CDH23: variants seen among roughly 807,000 people sequenced by gnomAD.
CDH23 encodes the protein cadherin related 23.
In CDH23, 189 loss-of-function variants were observed where a neutral mutation model predicts 317.1. That is an observed-to-expected ratio of 0.60 (90% CI 0.53 to 0.67). The LOEUF (loss-of-function observed/expected upper bound fraction) is 0.67. Among genes scored for constraint, CDH23 ranks in the 30% least tolerant of loss-of-function variants. The pLI is 0.00. For missense variants in CDH23, 4,401 were observed against 4,592.4 expected, an observed-to-expected ratio of 0.96 and a Z score of 1.20; for synonymous variants, 1,839 against 1,876.8, an observed-to-expected ratio of 0.98 and a Z score of 0.52.
chr10:71,687,567 T>C, intron 18 of CDH23, 80 bp from the exon 19 acceptor site: 13 of 1,305,776 alleles, frequency 1.0e-5, no homozygotes, highest in Non-Finnish European at 1.4e-5. Context: ...CTAGCCTGAC[T>C]CCTTGGTGCC....
At chr10:71,669,682 A>G (rs1864062272) in intron 14 of CDH23, among the ~76,000 whole-genome samples, 1 of 152,108 alleles carries the variant, frequency 6.6e-6, no homozygotes, top group African/African-American at 2.4e-5. Flanking sequence ...TCTTGATCTC[A>G]GGTGATCTGC....
intron 28 of CDH23, among the ~76,000 whole-genome samples, chr10:71,719,997 C>T (rs536318752): frequency 3.3e-5 from 5 of 152,334 alleles, no homozygotes; most frequent in East Asian, 1.9e-4. Context: ...TCTGGGGAGA[C>T]GCAGGGGGAG....
intron 14 of CDH23, among the ~76,000 whole-genome samples, chr10:71,659,381 G>A (rs1368581044): frequency 6.6e-6 from 1 of 152,188 alleles, no homozygotes; most frequent in Non-Finnish European, 1.5e-5. Context: ...TTTGTCCAGG[G>A]AACATTTGGG....
intron 3 of CDH23, among the ~76,000 whole-genome samples, chr10:71,485,081 C>G (rs1005805019): frequency 7.1e-6 from 1 of 140,666 alleles, no homozygotes; most frequent in African/African-American, 2.7e-5. Flanking sequence ...GGCTGGAGGG[C>G]AGTGGTGCGA....
chr10:71,513,396 C>T (rs1019609333), intron 6 of CDH23, among the ~76,000 whole-genome samples: 3 of 152,138 alleles, frequency 2.0e-5, no homozygotes, highest in Admixed American at 6.5e-5. Flanking sequence ...GCCCCTGCCC[C>T]GGAAATGAGC....
intron 32 of CDH23, chr10:71,732,581 T>C: frequency 7.5e-7 from 1 of 1,326,760 alleles, no homozygotes; most frequent in Non-Finnish European, 1.0e-6. Flanking sequence ...TGCAGTGAGC[T>C]GCGTTTGCAC....
chr10:71,649,212 G>A lies in CDH23; in HGVS notation c.1449+2595G>A, dbSNP rs560657497. Among the ~76,000 whole-genome samples, 348 of 152,198 alleles carry A rather than the reference G, an allele frequency of 2.3e-3. 2 individuals carry two copies. The highest frequency in any genetic ancestry group is 3.9e-3 in the Non-Finnish European group (267 of 68,022). ...ACCCGGCAGCTCTCTGCTCAGACCC[G>A]GGGTCAGCCCAATCTCTCCACCTCC... On this transcript the variant is annotated intron_variant, in intron 14 of 69. Coordinates refer to ENST00000224721, the MANE Select transcript of CDH23 (RefSeq NM_022124.6).
Position 71,500,820 on chromosome 10 carries a change from T to TCTTTC in CDH23, c.146-9251_146-9247dup, listed in dbSNP as rs748347749. Among the ~76,000 whole-genome samples the TCTTTC allele has an allele frequency of 7.3e-3, 903 of 124,306 alleles. 5 individuals are homozygous for TCTTTC. The highest frequency in any genetic ancestry group is 0.021 in the East Asian group (100 of 4,732). 81.5% of individuals were successfully genotyped at this position (124,306 alleles called of 152,430 possible). On this transcript the variant is annotated intron_variant, in intron 3 of 69. Coordinates refer to ENST00000224721, the MANE Select transcript of CDH23 (RefSeq NM_022124.6). ...TTTTCTTTTCTTTTCTTTTCTTTTC[T>TCTTTC]CTTTCCTTTCCTTTCTTTTCTTTTC...
intron 3 of CDH23, among the ~76,000 whole-genome samples, chr10:71,503,213 C>A (rs1406678751): frequency 6.6e-6 from 1 of 152,222 alleles, no homozygotes; most frequent in Admixed American, 6.5e-5. Context: ...AGATTCCTAC[C>A]TCCTACCTCC....
intron 14 of CDH23, among the ~76,000 whole-genome samples, chr10:71,660,444 T>C (rs1325569345): frequency 1.3e-5 from 2 of 152,076 alleles, no homozygotes; most frequent in African/African-American, 4.8e-5. Context: ...ACCCCTAGGG[T>C]GTGTCCCTCA....
intron 3 of CDH23, among the ~76,000 whole-genome samples, chr10:71,497,322 C>G (rs1205019827): frequency 1.3e-5 from 2 of 152,052 alleles, no homozygotes; most frequent in Non-Finnish European, 2.9e-5. Context: ...AAAAACACAC[C>G]CACCCCACTG....
Position 71,539,541 on chromosome 10 carries a change from A to AT in CDH23, c.430-27201_430-27200insT, listed in dbSNP as rs201473987. Reference sequence around the variant, plus strand: ...GATGAACTAAATGATGCAAAACTAGAGATATAACAGCTCCTTTTATCTCCC... The same window carrying AT: ...GATGAACTAAATGATGCAAAACTAGATGATATAACAGCTCCTTTTATCTCCC... On this transcript the variant is annotated intron_variant, in intron 6 of 69. Coordinates refer to ENST00000224721, the MANE Select transcript of CDH23 (RefSeq NM_022124.6). 9.6e-3 allele frequency among the ~76,000 whole-genome samples: 1,452 copies of AT among 151,996 alleles called. 14 individuals carry two copies. Among genetic ancestry groups the AT allele is most frequent in the Non-Finnish European group, 0.015 (988 of 67,986 alleles).
intron 9 of CDH23, among the ~76,000 whole-genome samples, chr10:71,615,006 T>C (rs894352879): frequency 6.6e-6 from 1 of 152,092 alleles, no homozygotes; most frequent in Non-Finnish European, 1.5e-5. Flanking sequence ...AAAAGGAAAC[T>C]TTACATCACG....
At chr10:71,415,644 G>A (rs1271339876) in intron 1 of CDH23, among the ~76,000 whole-genome samples, 3 of 152,138 alleles carry the variant, frequency 2.0e-5, no homozygotes, top group African/African-American at 7.2e-5. Context: ...ACTTAAGGCT[G>A]TAAATTTTCT....
intron 14 of CDH23, among the ~76,000 whole-genome samples, chr10:71,662,681 T>C (rs1278333596): frequency 6.6e-6 from 1 of 152,186 alleles, no homozygotes; most frequent in East Asian, 1.9e-4. Flanking sequence ...TTTCCTTTTC[T>C]ACCACATCAT....
At chr10:71,470,290 TA>T (rs1851446974) in intron 3 of CDH23, among the ~76,000 whole-genome samples, 1 of 152,248 alleles carries the variant, frequency 6.6e-6, no homozygotes, top group Non-Finnish European at 1.5e-5. Context: ...ATACATAATG[TA>T]AAATTTACCA....
chr10:71,453,413 G>A (rs775921124), intron 3 of CDH23, among the ~76,000 whole-genome samples: 25 of 152,356 alleles, frequency 1.6e-4, no homozygotes, highest in Middle Eastern at 3.4e-3. Context: ...GCAACTCCCC[G>A]CAGGAGCAGC....
chr10:71,811,583 A>G lies in CDH23; in HGVS notation c.9271A>G (p.Arg3091Gly). 1 of 1,613,932 alleles carries G rather than the reference A, an allele frequency of 6.2e-7. No homozygotes were observed. Among genetic ancestry groups the G allele is most frequent in the Non-Finnish European group, 8.5e-7 (1 of 1,179,880 alleles). ...MLFVLMNWYY[R>G]TVHKRKLKAI... is the part of the protein sequence containing the mutation. ...CTTTGTCCTCATGAACTGGTACTAC[A>G]GGACTGTGTGAGTGTCCCCCACCCC... The change falls in exon 64 of 70, where the codon AGG (arginine) becomes GGG (glycine). Residue 3091 changes from arginine to glycine, a missense_variant. Transcript: ENST00000224721.
At chr10:71,642,294 A>G (rs1210888388) in intron 11 of CDH23, among the ~76,000 whole-genome samples, 1 of 151,710 alleles carries the variant, frequency 6.6e-6, no homozygotes, top group East Asian at 1.9e-4. Context: ...CGTGCTGCCA[A>G]TGGGGAATGC....
Sources: gnomAD v4.1 joint callset for allele counts (sites outside exome capture counted in the v4.1 genomes callset) on GRCh38, gnomAD v4.1.1 for gene constraint, MANE v1.5 for transcripts, NCBI Gene and HGNC (gene_info 2026-07-23, HGNC 2026-07-21) for gene names.